ZNF610: variants seen among roughly 807,000 people sequenced by gnomAD.
ZNF610 encodes the protein zink finger protein.
In ZNF610, 14 loss-of-function variants were observed where a neutral mutation model predicts 14.1. The ratio of observed to expected loss-of-function variants is 0.99; its 90% CI spans 0.65 to 1.55. The LOEUF (loss-of-function observed/expected upper bound fraction) is 1.55, where lower values mean the gene tolerates loss of function less well. ZNF610 is among the 40% of genes most tolerant of loss of function. ZNF610 has a pLI of 0.00. For synonymous variants in ZNF610, 185 were observed against 187.6 expected (o/e 0.99, Z 0.11); for missense variants, 530 against 558.0 (o/e 0.95, Z 0.51).
upstream of ZNF610, among the ~76,000 whole-genome samples, chr19:52,334,954 C>CACACACACACACACACACACACACACAA (rs1984303852): frequency 6.6e-6 from 1 of 151,432 alleles, no homozygotes; most frequent in Non-Finnish European, 1.5e-5. Context: ...CACACACACA[C>CACACACACACACACACACACACACACAA]ACACAATGTA....
chr19:52,359,951 T>C (rs953502641), intron 5 of ZNF610, among the ~76,000 whole-genome samples: 9 of 152,182 alleles, frequency 5.9e-5, no homozygotes, highest in African/African-American at 2.2e-4. Context: ...TGCCAGTTTA[T>C]TATAAAGGCT....
chr19:52,333,246 G>A (rs1467873463), upstream of ZNF610, among the ~76,000 whole-genome samples: 2 of 152,202 alleles, frequency 1.3e-5, no homozygotes, highest in African/African-American at 2.4e-5. Flanking sequence ...AAGAAAAAAC[G>A]CATTAGAAGC....
At chr19:52,356,969 G>A (rs321943) in intron 5 of ZNF610, among the ~76,000 whole-genome samples, 1 of 151,920 alleles carries the variant, frequency 6.6e-6, no homozygotes, top group Non-Finnish European at 1.5e-5. Context: ...ACTTGCTGGG[G>A]GCCCTTGAAT....
At position 52,366,697 on chromosome 19, in the gene ZNF610, A is replaced by G. The variant is rs772032703; in HGVS notation, c.1319A>G (p.Asn440Ser). 5.6e-6 allele frequency: 9 copies of G among 1,614,246 alleles called. No homozygotes were observed. In the South Asian group the frequency reaches 8.8e-5, roughly 16 times the overall value. Residue 440 changes from asparagine (N) to serine (S), a missense_variant, in exon 6 of 6, where the codon AAT (asparagine) becomes AGT (serine). Physicochemically the swap from Asn to Ser is conservative, Grantham distance 46. Coordinates refer to ENST00000403906, the MANE Select transcript of ZNF610 (RefSeq NM_001161425.2). ...GCATGTGGCAAGGTCTTCAATCAAA[A>G]TCCACACCTTTCACGACATCGGAAA... Reference protein sequence around the residue: ...CNACGKVFNQNPHLSRHRKIH... With the variant: ...CNACGKVFNQSPHLSRHRKIH...
chr19:52,336,394 C>T lies in ZNF610; in HGVS notation c.-370C>T, dbSNP rs1014416721. 5 of 193,240 alleles carry T rather than the reference C, an allele frequency of 2.6e-5. No homozygotes were observed. The highest frequency in any genetic ancestry group is 5.3e-5 in the Non-Finnish European group (5 of 94,678). The allele number at this position is 193,240 out of a possible 1,614,324, so 12.0% of individuals were successfully genotyped here. ...CAGACCTTGAAATCCCCGCACCGCT[C>T]CCTCCACCCCGTGTAAATTCAGGCG... On this transcript the variant is annotated 5_prime_UTR_variant, in exon 1 of 6. Coordinates refer to ENST00000403906, the MANE Select transcript of ZNF610 (RefSeq NM_001161425.2).
rs776376079 is a variant in ZNF610, at chr19:52,366,711, C to T, written c.1333C>T (p.Arg445Ter). 1.1e-5 allele frequency: 18 copies of T among 1,613,980 alleles called. No homozygotes were observed. The highest frequency in any genetic ancestry group is 7.7e-5 in the South Asian group (7 of 91,084). The change falls in exon 6 of 6, where the codon CGA becomes TGA. Residue 445 changes from arginine to a stop codon, truncating the protein, a stop_gained. Transcript: ENST00000403906. LOFTEE classifies it low-confidence loss of function (END_TRUNC). The part of the protein sequence containing the change: ...KVFNQNPHLS[R>*]HRKIHAGENS... ...CTTCAATCAAAATCCACACCTTTCA[C>T]GACATCGGAAAATTCATGCTGGAGA...
chr19:52,357,746 A>G (rs1276439049), intron 5 of ZNF610, among the ~76,000 whole-genome samples: 5 of 151,434 alleles, frequency 3.3e-5, no homozygotes, highest in African/African-American at 1.2e-4. Flanking sequence ...CGAGCCCAGG[A>G]GTTTAAGGCT....
upstream of ZNF610, among the ~76,000 whole-genome samples, chr19:52,334,841 G>C (rs547663524): frequency 9.9e-5 from 15 of 151,186 alleles, no homozygotes; most frequent in Admixed American, 2.6e-4. Flanking sequence ...AGGCTGGAGA[G>C]TCGCTTGAAC....
At chr19:52,357,712 T>C (rs1301506024) in intron 5 of ZNF610, among the ~76,000 whole-genome samples, 2 of 149,596 alleles carry the variant, frequency 1.3e-5, no homozygotes, top group South Asian at 2.1e-4. Context: ...CACCTTGTAG[T>C]CCCAGCTACT....
At chr19:52,331,327 A>G (rs1305887164), upstream of ZNF610, among the ~76,000 whole-genome samples, 1 of 152,198 alleles carries the variant, frequency 6.6e-6, no homozygotes, top group Non-Finnish European at 1.5e-5. Flanking sequence ...GGCAGTCCCC[A>G]ATAACACATT....
At chr19:52,346,793 G>A (rs1189486093) in intron 1 of ZNF610, among the ~76,000 whole-genome samples, 3 of 151,854 alleles carry the variant, frequency 2.0e-5, no homozygotes, top group East Asian at 1.9e-4. Flanking sequence ...ACAGTGGTGC[G>A]GTCTCGGCTC....
At position 52,367,098 on chromosome 19, in the gene ZNF610, G is replaced by T. The variant is rs1986138558; in HGVS notation, c.*331G>T. The T allele has an allele frequency of 3.9e-6, 1 of 254,564 alleles. No individual in the cohort carries two copies. The highest frequency in any genetic ancestry group is 7.2e-6 in the Non-Finnish European group (1 of 138,712). The allele number at this position is 254,564 out of a possible 1,614,324, so 15.8% of individuals were successfully genotyped here. On this transcript the variant is annotated 3_prime_UTR_variant, in exon 6 of 6. Transcript: ENST00000403906. The stretch of plus-strand genomic sequence containing the variant: ...AATGTACATACTTCTCATGTTTTAA[G>T]TAATAAAGTTTAAAGTTTTTTTTTA...
rs899382213 is a variant in ZNF610, at chr19:52,363,725, T to A, written c.320-1973T>A. ...TATTTGCATGGAATATCCTTTTCCA[T>A]CCTTTCAGTTTCAGCCAATTTATGT... On this transcript the variant is annotated intron_variant, in intron 5 of 5. Transcript: ENST00000403906. 5.3e-5 allele frequency among the ~76,000 whole-genome samples: 8 copies of A among 152,370 alleles called. No homozygotes were observed. The East Asian group carries it at 1.5e-3, about 29-fold the overall frequency.
Position 52,354,346 on chromosome 19 carries a change from G to A in ZNF610, c.286G>A (p.Asp96Asn), listed in dbSNP as rs759409003. The change falls in exon 5 of 6, where the codon GAT becomes AAT. Residue 96 changes from aspartate (D) to asparagine (N), a missense_variant. Transcript: ENST00000403906. ...TCAAGTTAAAATAGTAAAAAATACA[G>A]ATGGAAGGGAATGTGTCAGAAGCGT... Reference protein sequence around the residue: ...QSQVKIVKNTDGRECVRSVNT... With the variant: ...QSQVKIVKNTNGRECVRSVNT... 1 of 1,614,138 alleles carries A rather than the reference G, an allele frequency of 6.2e-7. No homozygotes were observed. Among genetic ancestry groups the A allele is most frequent in the Non-Finnish European group, 8.5e-7 (1 of 1,180,030 alleles).
At chr19:52,353,351 A>G (rs1450906066) in intron 3 of ZNF610, among the ~76,000 whole-genome samples, 1 of 152,252 alleles carries the variant, frequency 6.6e-6, no homozygotes, top group African/African-American at 2.4e-5. Context: ...CTACATATGT[A>G]AATTTTAATG....
intron 1 of ZNF610, chr19:52,347,034 T>C (rs1984993938): frequency 6.6e-6 from 1 of 152,214 alleles, no homozygotes; most frequent in Admixed American, 6.5e-5. Flanking sequence ...GGCCCTCAGC[T>C]AACTTTCAGA....
intron 5 of ZNF610, among the ~76,000 whole-genome samples, chr19:52,358,922 G>T (rs1365904802): frequency 6.6e-6 from 1 of 152,144 alleles, no homozygotes; most frequent in Non-Finnish European, 1.5e-5. Context: ...CTCGTTACAT[G>T]GTCTTGGCAG....
chr19:52,351,233 G>C (rs1985234512), intron 3 of ZNF610, among the ~76,000 whole-genome samples: 1 of 152,094 alleles, frequency 6.6e-6, no homozygotes, highest in South Asian at 2.1e-4. Flanking sequence ...GAGGCAGGCA[G>C]ATCACCTGGG....
intron 5 of ZNF610, among the ~76,000 whole-genome samples, chr19:52,356,985 T>G (rs1471973416): frequency 6.6e-6 from 1 of 152,140 alleles, no homozygotes; most frequent in South Asian, 2.1e-4. Context: ...TGAATTCTAT[T>G]CTGATGCTGT....
Sources: allele counts gnomAD v4.1 joint callset (sites outside exome capture counted in the v4.1 genomes callset), GRCh38; gene constraint gnomAD v4.1.1; transcripts MANE v1.5; gene names NCBI Gene and HGNC (gene_info 2026-07-23, HGNC 2026-07-21).